Variants in NREP observed in about 807,000 individuals in gnomAD.
NREP encodes neuronal regeneration related protein.
A neutral mutation model predicts 8.6 loss-of-function variants in NREP; 5 were observed. The observed-to-expected ratio is 0.58, with a 90% CI of 0.30 to 1.22. NREP has a LOEUF of 1.22. Among genes scored for constraint, NREP ranks in the 50% most tolerant of loss-of-function variants. The pLI, the probability that NREP is intolerant of heterozygous loss-of-function variation, is 0.07. For missense variants in NREP, 86 were observed against 82.5 expected (o/e 1.04, Z -0.17); for synonymous variants, 27 against 28.0 (o/e 0.96, Z 0.11).
At chr5:111,890,572 G>A (rs1202255216) in intron 2 of NREP, among the ~76,000 whole-genome samples, 1 of 152,164 alleles carries the variant, frequency 6.6e-6, no homozygotes, top group African/African-American at 2.4e-5. Flanking sequence ...TGGGCACCCT[G>A]GCTTTTCCAT....
intron 2 of NREP, among the ~76,000 whole-genome samples, chr5:111,823,909 G>T (rs1752564504): frequency 6.6e-6 from 1 of 152,068 alleles, no homozygotes; most frequent in Admixed American, 6.6e-5. Context: ...TGTATTTTTA[G>T]GTATTTTACA....
chr5:111,949,659 T>C (rs1206374557), intron 2 of NREP, among the ~76,000 whole-genome samples: 1 of 152,056 alleles, frequency 6.6e-6, no homozygotes, highest in African/African-American at 2.4e-5. Context: ...AGCTCCTACT[T>C]ATGAGTGAGA....
intron 2 of NREP, among the ~76,000 whole-genome samples, chr5:111,832,099 G>A (rs866155193): frequency 1.3e-5 from 2 of 152,260 alleles, no homozygotes; most frequent in East Asian, 1.9e-4. Flanking sequence ...TTACTCTTAC[G>A]GGAATGGAAC....
chr5:111,737,341 C>T (rs1195975087), intron 2 of NREP, among the ~76,000 whole-genome samples: 3 of 152,194 alleles, frequency 2.0e-5, no homozygotes, highest in African/African-American at 7.2e-5. Flanking sequence ...CTGTTAAATT[C>T]ACTTCATATA....
At chr5:111,792,340 T>C (rs1751768364) in intron 2 of NREP, among the ~76,000 whole-genome samples, 1 of 152,192 alleles carries the variant, frequency 6.6e-6, no homozygotes, top group South Asian at 2.1e-4. Flanking sequence ...TTAAATAGCC[T>C]GTATAGAATG....
chr5:111,940,874 G>A (rs1006820219), intron 2 of NREP, among the ~76,000 whole-genome samples: 1 of 152,076 alleles, frequency 6.6e-6, no homozygotes, highest in African/African-American at 2.4e-5. Context: ...TACAGTGAAA[G>A]GATACAGATT....
chr5:111,735,531 C>T lies in NREP; in HGVS notation c.4-24G>A, dbSNP rs1392619539. 1.9e-6 allele frequency: 3 copies of T among 1,555,542 alleles called. No homozygotes were observed. The South Asian group carries it at 3.4e-5, about 17-fold the overall frequency. ...ACCTATAGAGACACAAAAGCATACA[C>T]ATTCAGATTAAAAACAGGATCCACT... On this transcript the variant is annotated intron_variant, in intron 2 of 3. Coordinates refer to ENST00000257435, the MANE Select transcript of NREP (RefSeq NM_004772.4).
chr5:111,935,351 C>A (rs1347738391), intron 2 of NREP, among the ~76,000 whole-genome samples: 1 of 152,016 alleles, frequency 6.6e-6, no homozygotes, highest in African/African-American at 2.4e-5. Flanking sequence ...CAGAGAGGAC[C>A]AATGGACCTG....
rs929448993 is a variant in NREP, at chr5:111,775,485, T to C, written c.136-39978A>G. On this transcript the variant is annotated intron_variant, in intron 2 of 3. Transcript: ENST00000395634. ...ACTGCCTTTTGCTTCCTTGAGAAAG[T>C]TTGCAACACAGCAGCCCTACTCATA... 2.0e-5 allele frequency among the ~76,000 whole-genome samples: 3 copies of C among 152,248 alleles called. No individual in the cohort carries two copies. The South Asian group carries it at 6.2e-4, about 32-fold the overall frequency.
chr5:111,735,420 A>C lies in NREP; in HGVS notation c.81+10T>G. 6.3e-7 allele frequency: 1 copy of C among 1,589,294 alleles called. No homozygotes were observed. The highest frequency in any genetic ancestry group is 1.1e-5 in the South Asian group (1 of 90,448). ...AATAGTGTTAACAATATGGCATCTA[A>C]GGATCTTACCTTAGGAAGCCTTCCC... On this transcript the variant is annotated intron_variant, in intron 3 of 3. Coordinates refer to ENST00000257435, the MANE Select transcript of NREP (RefSeq NM_004772.4).
chr5:111,950,991 C>G (rs754961411), intron 2 of NREP, among the ~76,000 whole-genome samples: 5 of 152,050 alleles, frequency 3.3e-5, no homozygotes, highest in Admixed American at 6.6e-5. Context: ...TTACTCTCTG[C>G]CATAGGTTAA....
chr5:111,913,155 A>AG (rs1298063493), intron 2 of NREP, among the ~76,000 whole-genome samples: 1 of 152,132 alleles, frequency 6.6e-6, no homozygotes, highest in East Asian at 1.9e-4. Flanking sequence ...AAGGCAGGAT[A>AG]GAAGGTTCAG....
At chr5:111,962,288 T>TA (rs1264600201) in intron 2 of NREP, among the ~76,000 whole-genome samples, 24 of 151,332 alleles carry the variant, frequency 1.6e-4, no homozygotes, top group East Asian at 7.7e-4. Flanking sequence ...CTTACATCAT[T>TA]AAAAAAAAAT....
chr5:111,932,067 T>A (rs954449959), intron 2 of NREP, among the ~76,000 whole-genome samples: 10 of 150,900 alleles, frequency 6.6e-5, no homozygotes, highest in Admixed American at 5.3e-4. Context: ...GGGGAGACTT[T>A]GAGTTTTAAA....
At chr5:111,890,681 C>T (rs940518931) in intron 2 of NREP, among the ~76,000 whole-genome samples, 39 of 152,210 alleles carry the variant, frequency 2.6e-4, no homozygotes, top group African/African-American at 9.2e-4. Flanking sequence ...AGGTTTATGG[C>T]TTGCACCATC....
intron 2 of NREP, among the ~76,000 whole-genome samples, chr5:111,782,534 C>T (rs531601680): frequency 2.6e-5 from 4 of 152,200 alleles, no homozygotes; most frequent in African/African-American, 4.8e-5. Flanking sequence ...TTCATTTATA[C>T]TTAACTATAG....
chr5:111,791,324 T>C (rs1338118339), intron 2 of NREP, among the ~76,000 whole-genome samples: 11 of 152,210 alleles, frequency 7.2e-5, no homozygotes. Flanking sequence ...TTATTCCTCC[T>C]AATTGGAATT....
intron 2 of NREP, among the ~76,000 whole-genome samples, chr5:111,940,498 A>G (rs1755801193): frequency 6.6e-6 from 1 of 152,040 alleles, no homozygotes; most frequent in Non-Finnish European, 1.5e-5. Context: ...AATTCAGTAG[A>G]CACATATCTC....
At chr5:111,774,235 A>G (rs373537887) in intron 2 of NREP, among the ~76,000 whole-genome samples, 15 of 116,658 alleles carry the variant, frequency 1.3e-4, no homozygotes, top group Non-Finnish European at 2.0e-4. Flanking sequence ...AAGGGAGGGA[A>G]GGAAGAAGGG....
Sources: gnomAD v4.1 joint callset for allele counts (sites outside exome capture counted in the v4.1 genomes callset) on GRCh38, gnomAD v4.1.1 for gene constraint, MANE v1.5 for transcripts, NCBI Gene and HGNC (gene_info 2026-07-23, HGNC 2026-07-21) for gene names.